DYNAP: variants seen among roughly 807,000 people sequenced by gnomAD.
The protein encoded by DYNAP is dynactin-associated protein.
Under a neutral mutation model 8.5 loss-of-function variants are expected in DYNAP, and 7 were observed. The ratio of observed to expected loss-of-function variants is 0.82; its 90% CI spans 0.47 to 1.54. The LOEUF (loss-of-function observed/expected upper bound fraction) is 1.54, where lower values mean the gene tolerates loss of function less well. Ranked by LOEUF, DYNAP falls within the 40% of genes most tolerant of loss-of-function variation. The probability of loss-of-function intolerance (pLI) is 0.01; values close to 1 mark genes in which losing one functional copy is unlikely to be tolerated. For missense variants in DYNAP, 256 were observed against 224.3 expected, an observed-to-expected ratio of 1.14 and a Z score of -0.90; for synonymous variants, 77 against 77.9, an observed-to-expected ratio of 0.99 and a Z score of 0.06.
upstream of DYNAP, among the ~76,000 whole-genome samples, chr18:54,582,859 G>T (rs1910765023): frequency 6.6e-6 from 1 of 152,056 alleles, no homozygotes; most frequent in African/African-American, 2.4e-5. Flanking sequence ...ATGTTTTCCA[G>T]AGTCTTATCT....
At chr18:54,596,447 C>T (rs541546601) in intron 2 of DYNAP, among the ~76,000 whole-genome samples, 1 of 152,184 alleles carries the variant, frequency 6.6e-6, no homozygotes, top group Admixed American at 6.5e-5. Context: ...GTGCCTGAGC[C>T]CCACCCCAGA....
chr18:54,591,323 A>C lies in DYNAP; in HGVS notation c.41A>C (p.His14Pro), dbSNP rs1486271466. 1 of 1,606,938 alleles carries C rather than the reference A, an allele frequency of 6.2e-7. No homozygotes were observed. Among genetic ancestry groups the C allele is most frequent in the Admixed American group, 1.7e-5 (1 of 59,226 alleles). ...GGAAAATACATATTGAACGTTGAGCACTCTGAAAACCAGCCGGTGAGTGTC... is the reference window on the plus strand; with the variant it reads ...GGAAAATACATATTGAACGTTGAGCCCTCTGAAAACCAGCCGGTGAGTGTC... ...KHGKYILNVE[H>P]SENQPPITHP... The change falls in exon 1 of 3, where the codon CAC becomes CCC. Residue 14 changes from histidine to proline, a missense_variant. Transcript: ENST00000648945.
At chr18:54,597,686 C>A in intron 2 of DYNAP, 127 bp from the exon 3 acceptor site, 1 of 952,236 alleles carries the variant, frequency 1.1e-6, no homozygotes, top group Non-Finnish European at 1.5e-6. Flanking sequence ...GGACTTCAAG[C>A]CCATCTTTCA....
rs1282329041 is a variant in DYNAP, at chr18:54,594,977, C to T, written c.96C>T (p.Ser32=). The T allele has an allele frequency of 6.2e-7, 1 of 1,612,610 alleles. No homozygotes were observed. Among genetic ancestry groups the T allele is most frequent in the South Asian group, 1.1e-5 (1 of 90,940 alleles). Residue 32 remains serine (S), a synonymous_variant, in exon 2 of 3, where the codon TCC becomes TCT. Coordinates refer to ENST00000648945, the MANE Select transcript of DYNAP (RefSeq NM_173629.3). ...THPNDQEAHS[S]ICWCLPSNDI... is the part of the protein sequence containing the mutation. ...CAAATGACCAAGAGGCTCACAGTTC[C>T]ATATGCTGGTGTCTACCTTCAAATG...
chr18:54,580,139 G>T, the DYNAP span, among the ~76,000 whole-genome samples: 2 of 152,162 alleles, frequency 1.3e-5, no homozygotes, highest in African/African-American at 4.8e-5. Context: ...TTTTTGACCA[G>T]CTGATTAAAC....
At chr18:54,587,286 G>A (rs377292630), upstream of DYNAP, among the ~76,000 whole-genome samples, 23 of 152,172 alleles carry the variant, frequency 1.5e-4, no homozygotes, top group East Asian at 3.9e-3. Context: ...GTGTGATAGC[G>A]CACAACTGGA....
chr18:54,595,235 T>C (rs1911241703), intron 2 of DYNAP, 132 bp downstream of exon 2: 1 of 1,061,888 alleles, frequency 9.4e-7, no homozygotes, highest in Non-Finnish European at 1.3e-6. Context: ...ATTTGCTGTA[T>C]TCTCAGTATA....
At chr18:54,577,927 G>C in the DYNAP span, among the ~76,000 whole-genome samples, 6 of 140,106 alleles carry the variant, frequency 4.3e-5, no homozygotes, top group Non-Finnish European at 7.5e-5. Flanking sequence ...TCAGGCCACT[G>C]CACTCCAGCC....
the DYNAP span, among the ~76,000 whole-genome samples, chr18:54,582,152 G>A: frequency 6.6e-6 from 1 of 152,126 alleles, no homozygotes; most frequent in African/African-American, 2.4e-5. Context: ...CAAGCGTGGT[G>A]GCAGGTGCCT....
At chr18:54,592,270 C>T (rs940299471) in intron 1 of DYNAP, among the ~76,000 whole-genome samples, 1 of 150,166 alleles carries the variant, frequency 6.7e-6, no homozygotes, top group Admixed American at 6.6e-5. Flanking sequence ...TTCAGATACT[C>T]AGATGGAAAA....
chr18:54,593,363 G>T (rs1911158663), intron 1 of DYNAP, among the ~76,000 whole-genome samples: 1 of 152,082 alleles, frequency 6.6e-6, no homozygotes, highest in Non-Finnish European at 1.5e-5. Context: ...AGTGGCAGTA[G>T]CGGTAGTAAT....
chr18:54,596,298 C>T (rs1044140152), intron 2 of DYNAP, among the ~76,000 whole-genome samples: 2 of 151,994 alleles, frequency 1.3e-5, no homozygotes, highest in African/African-American at 4.8e-5. Context: ...GTCTCAACCT[C>T]CTGGGCTCAA....
chr18:54,598,761 C>T lies in DYNAP; in HGVS notation c.*616C>T, dbSNP rs1327594715. On this transcript the variant is annotated 3_prime_UTR_variant, in exon 3 of 3. Transcript: ENST00000648945. ...AAACTCCACATTCTGTAGAGAATAT[C>T]CTTTCCCCTTTGTTTTCCTTCCTTT... The T allele has an allele frequency of 6.6e-6, 1 of 152,202 alleles. No individual in the cohort carries two copies. Among genetic ancestry groups the T allele is most frequent in the African/African-American group, 2.4e-5 (1 of 41,438 alleles). The allele number at this position is 152,202 out of a possible 1,614,324, so 9.4% of individuals were successfully genotyped here.
upstream of DYNAP, among the ~76,000 whole-genome samples, chr18:54,586,215 C>T (rs767250190): frequency 2.0e-5 from 3 of 152,094 alleles, no homozygotes; most frequent in Non-Finnish European, 4.4e-5. Context: ...TGTGTTCATC[C>T]CTGAAAACTG....
the DYNAP span, among the ~76,000 whole-genome samples, chr18:54,582,446 AT>A: frequency 6.6e-6 from 1 of 152,224 alleles, no homozygotes; most frequent in Non-Finnish European, 1.5e-5. Context: ...TCAATTTTAG[AT>A]TTTATAACAA....
chr18:54,585,736 C>T (rs1002160465), upstream of DYNAP, among the ~76,000 whole-genome samples: 6 of 152,210 alleles, frequency 3.9e-5, no homozygotes, highest in Non-Finnish European at 7.3e-5. Context: ...TCATCACAGC[C>T]TTCTTCAGTC....
At chr18:54,590,968 G>A (rs1911045774), upstream of DYNAP, among the ~76,000 whole-genome samples, 1 of 152,158 alleles carries the variant, frequency 6.6e-6, no homozygotes, top group South Asian at 2.1e-4. Flanking sequence ...AAAATAAAAG[G>A]TGAGTTCCTG....
intron 1 of DYNAP, among the ~76,000 whole-genome samples, chr18:54,594,150 A>T (rs1344216438): frequency 6.6e-6 from 1 of 152,108 alleles, no homozygotes; most frequent in African/African-American, 2.4e-5. Context: ...ATTAGACACT[A>T]ACCTGTTTTG....
the DYNAP span, among the ~76,000 whole-genome samples, chr18:54,578,465 CA>C: frequency 5.8e-3 from 882 of 152,234 alleles, 10 homozygotes; most frequent in African/African-American, 0.021. Context: ...TGCCATCAGC[CA>C]ACTAAAATAT....
Sources: gnomAD v4.1 joint callset for allele counts (sites outside exome capture counted in the v4.1 genomes callset) on GRCh38, gnomAD v4.1.1 for gene constraint, MANE v1.5 for transcripts, NCBI Gene and HGNC (gene_info 2026-07-23, HGNC 2026-07-21) for gene names.